Variants in CDH10 observed in about 807,000 individuals in gnomAD.
CDH10 encodes the protein cadherin 10.
In CDH10, 30 loss-of-function variants were observed where a neutral mutation model predicts 73.1. The ratio of observed to expected loss-of-function variants is 0.41; its 90% CI spans 0.31 to 0.56. The LOEUF (loss-of-function observed/expected upper bound fraction) is 0.56, where lower values mean the gene tolerates loss of function less well. Ranked by LOEUF, CDH10 falls within the 20% of genes least tolerant of loss-of-function variation. The probability of loss-of-function intolerance (pLI) is 0.27; values close to 1 mark genes in which losing one functional copy is unlikely to be tolerated. For synonymous variants in CDH10, 345 were observed against 348.2 expected (o/e 0.99, Z 0.10); for missense variants, 815 against 973.7 (o/e 0.84, Z 2.17).
At chr5:24,631,830 T>C (rs1747714698) in intron 1 of CDH10, among the ~76,000 whole-genome samples, 1 of 152,082 alleles carries the variant, frequency 6.6e-6, no homozygotes, top group Non-Finnish European at 1.5e-5. Context: ...TGTTGTTGAC[T>C]TGTGAAGGAA....
At chr5:24,584,244 TTA>T (rs1279763509) in intron 2 of CDH10, among the ~76,000 whole-genome samples, 2 of 152,094 alleles carry the variant, frequency 1.3e-5, no homozygotes, top group African/African-American at 4.8e-5. Flanking sequence ...GTGATAGTAA[TTA>T]TACCAATATT....
At position 24,498,496 on chromosome 5, in the gene CDH10, C is replaced by T. The variant is rs199776417; in HGVS notation, c.1417G>A (p.Val473Met). 3.0e-5 allele frequency: 48 copies of T among 1,599,364 alleles called. 1 individual carries two copies. Among genetic ancestry groups the T allele is most frequent in the Admixed American group, 8.3e-5 (5 of 59,910 alleles). ...TCCAAAATTCTCACAAAAACAGCCA[C>T]GCGTGTTGTCTCTTTGGGATTGTCT... ...EINNPKETTR[V>M]AVFVRILDVN... The change falls in exon 9 of 12, where the codon GTG becomes ATG. Residue 473 changes from valine to methionine, a missense_variant. Transcript: ENST00000264463.
intron 2 of CDH10, among the ~76,000 whole-genome samples, chr5:24,554,502 GTGTGTGTGTGTGT>G (rs1561159559): frequency 1.2e-4 from 18 of 151,470 alleles, no homozygotes; most frequent in Admixed American, 9.2e-4. Context: ...GTGTGTGTGT[GTGTGTGTGTGTGT>G]GTGTGCACGT....
chr5:24,592,477 C>T (rs899754629), intron 2 of CDH10, among the ~76,000 whole-genome samples: 1 of 151,704 alleles, frequency 6.6e-6, no homozygotes, highest in African/African-American at 2.4e-5. Flanking sequence ...TCAACTAAGC[C>T]TTTATCTAAC....
intron 5 of CDH10, among the ~76,000 whole-genome samples, chr5:24,512,677 C>T (rs1456316903): frequency 1.3e-5 from 2 of 152,132 alleles, no homozygotes; most frequent in Admixed American, 1.3e-4. Context: ...AGATGTGCTT[C>T]CAGCATGAAC....
rs116504134 is a variant in CDH10, at chr5:24,606,787, C to T, written c.-123-13174G>A. Reference sequence around the variant, plus strand: ...TTTATGAATTACACAGGAAGCAAAACTTACTACATATCCATTATATATCTA... The same window carrying T: ...TTTATGAATTACACAGGAAGCAAAATTTACTACATATCCATTATATATCTA... On this transcript the variant is annotated intron_variant, in intron 1 of 11. Coordinates refer to ENST00000264463, the MANE Select transcript of CDH10 (RefSeq NM_006727.5). Among the ~76,000 whole-genome samples, 1,077 of 152,218 alleles carry T rather than the reference C, an allele frequency of 7.1e-3. 12 individuals carry two copies. The highest frequency in any genetic ancestry group is 0.025 in the African/African-American group (1,035 of 41,534).
intron 1 of CDH10, among the ~76,000 whole-genome samples, chr5:24,598,378 T>C (rs886917618): frequency 6.6e-6 from 1 of 152,032 alleles, no homozygotes; most frequent in Non-Finnish European, 1.5e-5. Context: ...TATGTATTTC[T>C]ATTTAGACTG....
At chr5:24,570,247 A>G (rs758182689) in intron 2 of CDH10, among the ~76,000 whole-genome samples, 2 of 152,192 alleles carry the variant, frequency 1.3e-5, no homozygotes, top group Non-Finnish European at 2.9e-5. Flanking sequence ...AGACAAGAAG[A>G]AACAGTAAGT....
chr5:24,520,676 A>G (rs1277481298), intron 5 of CDH10, among the ~76,000 whole-genome samples: 2 of 152,170 alleles, frequency 1.3e-5, no homozygotes, highest in Admixed American at 1.3e-4. Flanking sequence ...TTTATTAAAC[A>G]CGACTAGAAA....
At chr5:24,528,712 T>A (rs1743622799) in intron 5 of CDH10, among the ~76,000 whole-genome samples, 1 of 151,996 alleles carries the variant, frequency 6.6e-6, no homozygotes. Flanking sequence ...ATTCAGTGTG[T>A]CCTGCCTGAA....
intron 5 of CDH10, among the ~76,000 whole-genome samples, chr5:24,517,692 A>C (rs997463854): frequency 2.0e-5 from 3 of 152,136 alleles, no homozygotes; most frequent in Non-Finnish European, 4.4e-5. Context: ...AGTAAAAAAA[A>C]CTCAAGTCCA....
At position 24,622,442 on chromosome 5, in the gene CDH10, A is replaced by G. The variant is rs189192900; in HGVS notation, c.-124+22152T>C. On this transcript the variant is annotated intron_variant, in intron 1 of 11. Transcript: ENST00000264463. ...TCATTAGCTCTGTTGATATTGAAGG[A>G]TCAGTTTTAGCAGGCTGCAGAATTT... Among the ~76,000 whole-genome samples the G allele has an allele frequency of 9.7e-4, 147 of 152,278 alleles. 2 individuals carry two copies. In the East Asian group the frequency reaches 0.026, roughly 27 times the overall value.
rs2112092260 is a variant in CDH10 at position 24,593,284 on chromosome 5, T to A, written c.207A>T (p.Gly69=). ...CCTTGCCTACGTACTGATAATCAGATCCTGTATATTCTTCAAGTAAGAAAA... is the reference window on the plus strand; with the variant it reads ...CCTTGCCTACGTACTGATAATCAGAACCTGTATATTCTTCAAGTAAGAAAA... ...NQFFLLEEYT[G]SDYQYVGKLH... Residue 69 remains glycine, a synonymous_variant, in exon 2 of 12, where the codon GGA becomes GGT. Transcript: ENST00000264463. 2 of 1,604,074 alleles carry A rather than the reference T, an allele frequency of 1.2e-6. No homozygotes were observed. The highest frequency in any genetic ancestry group is 8.5e-7 in the Non-Finnish European group (1 of 1,171,090).
At chr5:24,601,715 A>C (rs2112119151) in intron 1 of CDH10, among the ~76,000 whole-genome samples, 1 of 152,248 alleles carries the variant, frequency 6.6e-6, no homozygotes, top group Admixed American at 6.5e-5. Flanking sequence ...TTGAGAATAA[A>C]GATTCAATAG....
At chr5:24,569,896 T>C (rs886606129) in intron 2 of CDH10, among the ~76,000 whole-genome samples, 3 of 152,058 alleles carry the variant, frequency 2.0e-5, no homozygotes, top group African/African-American at 2.4e-5. Context: ...CCGAGTTGCA[T>C]GGGACGACAG....
At chr5:24,502,035 C>CA (rs1351253199) in intron 8 of CDH10, among the ~76,000 whole-genome samples, 3 of 139,440 alleles carry the variant, frequency 2.2e-5, no homozygotes, top group Non-Finnish European at 4.7e-5. Flanking sequence ...TCTCCTACCT[C>CA]AGCCTCCCGG....
Position 24,487,561 on chromosome 5 carries a change from TGCTG to T in CDH10, c.*98_*101del. On this transcript the variant is annotated 3_prime_UTR_variant, in exon 12 of 12. Transcript: ENST00000264463. ...AAGAAGTAAATGAGAAAAAAAATTG[TGCTG>T]ACTGGCAGGAAAATGCTCCTGAATA... 8.7e-7 allele frequency: 1 copy of T among 1,146,108 alleles called. No individual in the cohort carries two copies. The highest frequency in any genetic ancestry group is 1.2e-6 in the Non-Finnish European group (1 of 800,132). The allele number at this position is 1,146,108 out of a possible 1,614,324, so 71.0% of individuals were successfully genotyped here. A position where few individuals can be genotyped will look rare whatever the true frequency, so the allele number is the denominator to read the frequency against.
At chr5:24,632,437 C>T (rs1053075658) in intron 1 of CDH10, among the ~76,000 whole-genome samples, 8 of 151,986 alleles carry the variant, frequency 5.3e-5, no homozygotes, top group African/African-American at 1.9e-4. Context: ...GAGAAAAAAA[C>T]TCCATCAGTC....
At chr5:24,544,250 C>T (rs1405509230) in intron 2 of CDH10, among the ~76,000 whole-genome samples, 1 of 152,066 alleles carries the variant, frequency 6.6e-6, no homozygotes, top group South Asian at 2.1e-4. Flanking sequence ...GCCAAGATCA[C>T]GCCACTGCAC....
Sources: allele counts gnomAD v4.1 joint callset (sites outside exome capture counted in the v4.1 genomes callset), GRCh38; gene constraint gnomAD v4.1.1; transcripts MANE v1.5; gene names NCBI Gene and HGNC (gene_info 2026-07-23, HGNC 2026-07-21).